Variants in HMMR observed in about 807,000 individuals in gnomAD.
The protein encoded by HMMR is hyaluronan mediated motility receptor.
A neutral mutation model predicts 101.0 loss-of-function variants in HMMR; 108 were observed. That is an observed-to-expected ratio of 1.07 (90% CI 0.92 to 1.25). HMMR has a LOEUF of 1.25. HMMR is among the 50% of genes most tolerant of loss of function. HMMR has a pLI of 0.00. For missense variants in HMMR, 813 were observed against 788.7 expected (o/e 1.03, Z -0.37); for synonymous variants, 296 against 276.4 (o/e 1.07, Z -0.70).
rs1759686035 is a variant in HMMR at position 163,491,230 on chromosome 5, A to G, written c.*66A>G. Reference sequence around the variant, plus strand: ...TTGTTATTGATGTTGCTGTTATTATATTTGACATGGGTATTTTATAATGTT... The same window carrying G: ...TTGTTATTGATGTTGCTGTTATTATGTTTGACATGGGTATTTTATAATGTT... On this transcript the variant is annotated 3_prime_UTR_variant, in exon 18 of 18. Transcript: ENST00000393915. 2 of 848,906 alleles carry G rather than the reference A, an allele frequency of 2.4e-6. No homozygotes were observed. Among genetic ancestry groups the G allele is most frequent in the Non-Finnish European group, 3.7e-6 (2 of 534,588 alleles). 52.6% of individuals were successfully genotyped at this position (848,906 alleles called of 1,614,324 possible). A position where few individuals can be genotyped will look rare whatever the true frequency, so the allele number is the denominator to read the frequency against.
At chr5:163,465,231 G>A (rs2113456994) in intron 3 of HMMR, 1 of 163,520 alleles carries the variant, frequency 6.1e-6, no homozygotes, top group African/African-American at 2.4e-5. Flanking sequence ...AAGGAGTGGT[G>A]AGAGATTAAA....
intron 4 of HMMR, among the ~76,000 whole-genome samples, chr5:163,469,429 T>C (rs1434247210): frequency 6.6e-6 from 1 of 151,512 alleles, no homozygotes; most frequent in East Asian, 1.9e-4. Flanking sequence ...TTATGGCAAC[T>C]AAAGTTCTTA....
chr5:163,480,091 C>G (rs1759205537), intron 12 of HMMR, among the ~76,000 whole-genome samples: 2 of 152,224 alleles, frequency 1.3e-5, no homozygotes, highest in Admixed American at 1.3e-4. Flanking sequence ...ATGCATGAAC[C>G]TATAAAAGAC....
At chr5:163,488,116 A>G (rs1759543887) in intron 16 of HMMR, among the ~76,000 whole-genome samples, 1 of 152,138 alleles carries the variant, frequency 6.6e-6, no homozygotes, top group Non-Finnish European at 1.5e-5. Context: ...TTGGCCTCAA[A>G]ATGCTGGGAT....
At position 163,472,050 on chromosome 5, in the gene HMMR, A is replaced by AT. The variant is rs10672532; in HGVS notation, c.650+590dup. 2.8e-3 allele frequency among the ~76,000 whole-genome samples: 388 copies of AT among 140,622 alleles called. 1 individual carries two copies. Among genetic ancestry groups the AT allele is most frequent in the Admixed American group, 3.5e-3 (51 of 14,378 alleles). The allele number at this position is 140,622 out of a possible 152,430, so 92.3% of individuals were successfully genotyped here. On this transcript the variant is annotated intron_variant, in intron 7 of 17. Transcript: ENST00000393915. ...CCTTTTTTTATTTATTATTATTATT[A>AT]TTTATTTTTTTTTTTAGAGATGGGG...
At chr5:163,478,859 C>T (rs757286192) in intron 12 of HMMR, 59 bp downstream of exon 12, 28 of 912,726 alleles carry the variant, frequency 3.1e-5, no homozygotes, top group Non-Finnish European at 5.0e-5. Flanking sequence ...GGGTGTTTAC[C>T]CCAGGAAATA....
chr5:163,486,741 A>G (rs762972525), intron 16 of HMMR, among the ~76,000 whole-genome samples: 10 of 152,218 alleles, frequency 6.6e-5, no homozygotes, highest in Non-Finnish European at 1.5e-4. Context: ...TCTCCATGAT[A>G]TATGATGTTA....
chr5:163,466,231 TGCACTCCAGCCTGG>T (rs1392900125), intron 3 of HMMR, among the ~76,000 whole-genome samples: 2 of 152,188 alleles, frequency 1.3e-5, no homozygotes, highest in African/African-American at 4.8e-5. Context: ...ATTGCACCAC[TGCACTCCAGCCTGG>T]GCAGCAGAGC....
intron 5 of HMMR, among the ~76,000 whole-genome samples, chr5:163,470,739 A>G (rs1282710313): frequency 6.6e-6 from 1 of 152,222 alleles, no homozygotes; most frequent in Admixed American, 6.5e-5. Flanking sequence ...CTGTATTTCC[A>G]GCATTTTGGA....
At chr5:163,464,109 G>A (rs1198411659) in intron 2 of HMMR, among the ~76,000 whole-genome samples, 155 bp downstream of exon 2, 1 of 152,142 alleles carries the variant, frequency 6.6e-6, no homozygotes, top group African/African-American at 2.4e-5. Context: ...GTCAAGTACA[G>A]AATAATGCTG....
intron 1 of HMMR, among the ~76,000 whole-genome samples, chr5:163,462,552 C>T (rs1758573125): frequency 6.6e-6 from 1 of 151,958 alleles, no homozygotes; most frequent in South Asian, 2.1e-4. Flanking sequence ...TGGGGCTGGG[C>T]CTGGTGGTTC....
chr5:163,472,975 C>T (rs1220685448), intron 7 of HMMR, among the ~76,000 whole-genome samples: 2 of 152,094 alleles, frequency 1.3e-5, no homozygotes, highest in Non-Finnish European at 2.9e-5. Flanking sequence ...AGTATATATT[C>T]AGAAAACTTT....
In HMMR at chr5:163,483,110, G is replaced by T; in HGVS notation, c.1623G>T (p.Leu541Phe). ...CTTTTCTTCAAAAAATAACTGATTTGCAGAACCAACTCAAGCAACAGGAGG... is the reference window on the plus strand; with the variant it reads ...CTTTTCTTCAAAAAATAACTGATTTTCAGAACCAACTCAAGCAACAGGAGG... ...TVSFLQKITD[L>F]QNQLKQQEED... The change falls in exon 14 of 18, where the codon TTG (leucine) becomes TTT (phenylalanine). Residue 541 changes from leucine (L) to phenylalanine (F), a missense_variant. By Grantham distance (22) the Leu-to-Phe change is conservative. Transcript: ENST00000393915. 1.2e-6 allele frequency: 2 copies of T among 1,612,812 alleles called. No homozygotes were observed. Among genetic ancestry groups the T allele is most frequent in the Non-Finnish European group, 8.5e-7 (1 of 1,179,496 alleles).
At chr5:163,464,642 A>G in intron 2 of HMMR, 81 bp from the exon 3 acceptor site, 1 of 980,920 alleles carries the variant, frequency 1.0e-6, no homozygotes, top group South Asian at 1.4e-5. Flanking sequence ...GAGAAAGACA[A>G]AAAAATTTGG....
rs1759331969 is a variant in HMMR at position 163,483,080 on chromosome 5, A to G, written c.1593A>G (p.Thr531=). Residue 531 remains threonine, a synonymous_variant, in exon 14 of 18, where the codon ACA becomes ACG. Transcript: ENST00000393915. The part of the protein sequence containing the change: ...ALKETEIKEI[T]VSFLQKITDL... ...AGGAAACAGAAATTAAAGAAATCAC[A>G]GTTTCTTTTCTTCAAAAAATAACTG... The G allele has an allele frequency of 1.9e-6, 3 of 1,611,124 alleles. No individual in the cohort carries two copies. The highest frequency in any genetic ancestry group is 2.5e-6 in the Non-Finnish European group (3 of 1,177,870).
At position 163,482,359 on chromosome 5, in the gene HMMR, G is replaced by A. The variant is rs299294; in HGVS notation, c.1386-283G>A. ...TCTCACTTCTTATTTTTTAAATTGT[G>A]AGTAATTTTCATGCTTGGTAGTTGA... On this transcript the variant is annotated intron_variant, in intron 12 of 17. Transcript: ENST00000393915. Among the ~76,000 whole-genome samples, 37,936 of 151,864 alleles carry A rather than the reference G, an allele frequency of 0.25. 4,928 individuals carry two copies. Among genetic ancestry groups the A allele is most frequent in the African/African-American group, 0.3 (12,350 of 41,360 alleles).
In HMMR at chr5:163,467,795, G is replaced by C. The variant is rs200952082; in HGVS notation, c.273+47G>C. The C allele has an allele frequency of 1.6e-5, 18 of 1,139,522 alleles. No individual in the cohort carries two copies. In the East Asian group the frequency reaches 2.4e-4, roughly 15 times the overall value. The allele number at this position is 1,139,522 out of a possible 1,614,324, so 70.6% of individuals were successfully genotyped here. The stretch of plus-strand genomic sequence containing the variant: ...GTGAAAAGTACACATGATAGAAAGA[G>C]AGTTACACAGATTTAAGAGATAAGG... On this transcript the variant is annotated intron_variant, in intron 4 of 17. Transcript: ENST00000393915.
Position 163,490,323 on chromosome 5 carries a change from T to C in HMMR, c.1963-67T>C, listed in dbSNP as rs144199856. The stretch of plus-strand genomic sequence containing the variant: ...ACAACTTTGGAATTTGCCCGCAACA[T>C]TGGTAACACATTTCACTGACATACT... On this transcript the variant is annotated intron_variant, in intron 16 of 17. Coordinates refer to ENST00000393915, the MANE Select transcript of HMMR (RefSeq NM_001142556.2). 3.5e-4 allele frequency: 386 copies of C among 1,090,750 alleles called. 1 individual carries two copies. Among genetic ancestry groups the C allele is most frequent in the Non-Finnish European group, 4.6e-4 (347 of 751,662 alleles). 67.6% of individuals were successfully genotyped at this position (1,090,750 alleles called of 1,614,324 possible).
chr5:163,478,042 A>G (rs1759125779), intron 11 of HMMR, among the ~76,000 whole-genome samples: 1 of 152,154 alleles, frequency 6.6e-6, no homozygotes, highest in South Asian at 2.1e-4. Flanking sequence ...TATATTCTTT[A>G]AAAGATCTCT....
Sources: gnomAD v4.1 joint callset for allele counts (sites outside exome capture counted in the v4.1 genomes callset) on GRCh38, gnomAD v4.1.1 for gene constraint, MANE v1.5 for transcripts, NCBI Gene and HGNC (gene_info 2026-07-23, HGNC 2026-07-21) for gene names.